The following CFAP47 variants were observed in gnomAD, a reference collection of about 807,000 sequenced individuals.
CFAP47 encodes cilia- and flagella-associated protein 47.
A neutral mutation model predicts 148.1 loss-of-function variants in CFAP47; 29 were observed. The ratio of observed to expected loss-of-function variants is 0.20; its 90% confidence interval spans 0.15 to 0.27. CFAP47 has a LOEUF of 0.27. CFAP47 is among the 10% of genes least tolerant of loss of function. The probability of loss-of-function intolerance (pLI) is 1.00; values close to 1 mark genes in which losing one functional copy is unlikely to be tolerated. For missense variants in CFAP47, 1,872 were observed against 1,697.5 expected (o/e 1.10, Z -1.81); for synonymous variants, 664 against 577.3 (o/e 1.15, Z -2.15).
chrX:36,105,986 C>T (rs1487195157), intron 33 of CFAP47, among the ~76,000 whole-genome samples: 1 of 112,003 alleles, frequency 8.9e-6, no homozygotes, highest in Non-Finnish European at 1.9e-5. Flanking sequence ...CTTTACAAAG[C>T]TTTTGTGCTT....
chrX:36,136,767 A>G (rs1939051915), intron 33 of CFAP47, among the ~76,000 whole-genome samples: 1 of 111,788 alleles, frequency 8.9e-6, no homozygotes, highest in African/African-American at 3.2e-5. Context: ...AAAGAGAAGC[A>G]CATGTAGGTT....
intron 32 of CFAP47, among the ~76,000 whole-genome samples, chrX:36,103,307 A>G (rs1938406285): frequency 9.3e-6 from 1 of 107,918 alleles, no homozygotes; most frequent in Non-Finnish European, 1.9e-5. Flanking sequence ...GGGCAACTGA[A>G]GCTCAATGCC....
intron 33 of CFAP47, among the ~76,000 whole-genome samples, chrX:36,126,107 CT>C (rs1938832951): frequency 9.3e-6 from 1 of 107,124 alleles, no homozygotes; most frequent in East Asian, 2.9e-4. Flanking sequence ...TTTTATTATA[CT>C]TTAAGTACTG....
intron 25 of CFAP47, among the ~76,000 whole-genome samples, chrX:36,045,315 G>A (rs973280211): frequency 3.6e-5 from 4 of 111,497 alleles, no homozygotes; most frequent in South Asian, 3.8e-4. Context: ...GTTCTACTCC[G>A]CTGTGGCTGT....
At chrX:36,313,057 G>A (rs1460597992) in intron 56 of CFAP47, among the ~76,000 whole-genome samples, 4 of 110,880 alleles carry the variant, frequency 3.6e-5, no homozygotes, top group Non-Finnish European at 5.7e-5. Flanking sequence ...GTCCTTGGTG[G>A]CTAAGCCTCA....
intron 49 of CFAP47, among the ~76,000 whole-genome samples, chrX:36,265,070 T>C (rs886377348): frequency 5.3e-4 from 59 of 112,094 alleles, no homozygotes; most frequent in African/African-American, 1.9e-3. Flanking sequence ...TGTGGTGTCT[T>C]GTGATTTCTT....
At chrX:36,021,633 C>T (rs1601935166) in intron 22 of CFAP47, among the ~76,000 whole-genome samples, 1 of 110,520 alleles carries the variant, frequency 9.0e-6, no homozygotes, top group East Asian at 2.9e-4. Flanking sequence ...GCCCCAAATG[C>T]ATTAGGTATT....
chrX:36,297,927 G>A (rs1941258703), intron 51 of CFAP47, among the ~76,000 whole-genome samples: 1 of 110,710 alleles, frequency 9.0e-6, no homozygotes, highest in South Asian at 3.9e-4. Context: ...GTCGGGGAGA[G>A]GTGGATAAAA....
At chrX:35,961,735 A>C (rs995491713) in intron 8 of CFAP47, among the ~76,000 whole-genome samples, 2 of 110,823 alleles carry the variant, frequency 1.8e-5, no homozygotes, top group Admixed American at 1.9e-4. Context: ...AGTCTAGTTA[A>C]AATTTTTTCA....
chrX:36,212,973 C>T (rs1940119395), intron 45 of CFAP47, among the ~76,000 whole-genome samples: 1 of 110,695 alleles, frequency 9.0e-6, no homozygotes, highest in African/African-American at 3.3e-5. Flanking sequence ...ATTAGCTGGG[C>T]GTGGTGGCAC....
chrX:36,079,594 AT>A (rs888690069), intron 29 of CFAP47, among the ~76,000 whole-genome samples: 16 of 111,044 alleles, frequency 1.4e-4, no homozygotes, highest in Non-Finnish European at 2.1e-4. Context: ...TTTGTTCAAG[AT>A]TTTTAGCTTC....
chrX:36,303,862 A>G lies in CFAP47; in HGVS notation c.7984A>G (p.Ile2662Val), dbSNP rs1556008292. Reference sequence around the variant, plus strand: ...TTTTTCTCCTAGGCATGTCACTCAGATCATTCCTTTAGTTAATTGTACGCA... The same window carrying G: ...TTTTTCTCCTAGGCATGTCACTCAGGTCATTCCTTTAGTTAATTGTACGCA... Reference protein sequence around the residue: ...QCDLGKHVTQIIPLVNCTHET... With the variant: ...QCDLGKHVTQVIPLVNCTHET... Residue 2662 changes from isoleucine (I) to valine (V), a missense_variant, in exon 54 of 64, where the codon ATC becomes GTC. Ile to Val is a conservative substitution (Grantham distance 29, BLOSUM62 3). Coordinates refer to ENST00000378653, the MANE Select transcript of CFAP47 (RefSeq NM_001304548.2). 8.9e-7 allele frequency: 1 copy of G among 1,123,475 alleles called. No homozygotes were observed. Among genetic ancestry groups the G allele is most frequent in the Admixed American group, 2.8e-5 (1 of 35,314 alleles). 92.6% of individuals were successfully genotyped at this position (1,123,475 alleles called of 1,213,427 possible).
intron 21 of CFAP47, among the ~76,000 whole-genome samples, chrX:36,013,132 T>C (rs113071657): frequency 8.9e-6 from 1 of 111,948 alleles, no homozygotes; most frequent in Non-Finnish European, 1.9e-5. Context: ...ACCATTTGGC[T>C]GAAGCCAACC....
At chrX:36,069,555 T>C (rs974634582) in intron 27 of CFAP47, among the ~76,000 whole-genome samples, 1 of 111,832 alleles carries the variant, frequency 8.9e-6, no homozygotes, top group African/African-American at 3.2e-5. Context: ...AAAACATCTT[T>C]AGAAATATAT....
intron 57 of CFAP47, among the ~76,000 whole-genome samples, chrX:36,319,977 C>G (rs1941465496): frequency 9.0e-6 from 1 of 110,811 alleles, no homozygotes; most frequent in African/African-American, 3.3e-5. Context: ...AGGCGCACAC[C>G]ATCCCGCATG....
intron 30 of CFAP47, among the ~76,000 whole-genome samples, chrX:36,096,768 A>G (rs761161937): frequency 4.8e-4 from 53 of 110,484 alleles, no homozygotes; most frequent in African/African-American, 1.6e-3. Flanking sequence ...GCGGCAACAG[A>G]TCATGGGATC....
chrX:36,268,748 AAAATGTGATTTGGCAGG>A (rs1375801504), intron 49 of CFAP47, among the ~76,000 whole-genome samples: 4 of 112,367 alleles, frequency 3.6e-5, no homozygotes, highest in Non-Finnish European at 7.5e-5. Flanking sequence ...CAGTCAAATG[AAAATGTGATTTGGCAGG>A]TTGTTGGTTT....
At position 35,951,766 on chromosome X, in the gene CFAP47, G is replaced by C. The variant is rs748219859; in HGVS notation, c.886-37G>C. The stretch of plus-strand genomic sequence containing the variant: ...CTCCTCAAAAATTTTTTTGTGTTTT[G>C]CCTTAATACTCTTTTATATCTGACT... On this transcript the variant is annotated intron_variant, in intron 5 of 63. Coordinates refer to ENST00000378653, the MANE Select transcript of CFAP47 (RefSeq NM_001304548.2). 9 of 1,053,213 alleles carry C rather than the reference G, an allele frequency of 8.5e-6. No homozygotes were observed. The African/African-American group carries it at 1.8e-4, about 21-fold the overall frequency. 86.8% of individuals were successfully genotyped at this position (1,053,213 alleles called of 1,213,427 possible). A position where few individuals can be genotyped will look rare whatever the true frequency, so the allele number is the denominator to read the frequency against.
chrX:36,148,979 G>T, intron 36 of CFAP47, 129 bp from the exon 37 acceptor site: 3 of 208,208 alleles, frequency 1.4e-5, no homozygotes, highest in Non-Finnish European at 1.7e-5. Context: ...TTGTCCAGTT[G>T]GTGTTCATTA....
Sources: gnomAD v4.1 joint callset for allele counts (sites outside exome capture counted in the v4.1 genomes callset) on GRCh38, gnomAD v4.1.1 for gene constraint, MANE v1.5 for transcripts, NCBI Gene and HGNC (gene_info 2026-07-23, HGNC 2026-07-21) for gene names.